PENK: variants seen among roughly 807,000 people sequenced by gnomAD.
PENK encodes the protein proenkephalin.
In PENK, 25 loss-of-function variants were observed where a neutral mutation model predicts 24.1. The ratio of observed to expected loss-of-function variants is 1.04; its 90% CI spans 0.76 to 1.45. The LOEUF (loss-of-function observed/expected upper bound fraction) is 1.45, where lower values mean the gene tolerates loss of function less well. Ranked by LOEUF, PENK falls within the 40% of genes most tolerant of loss-of-function variation. The probability of loss-of-function intolerance (pLI) is 0.00; values close to 1 mark genes in which losing one functional copy is unlikely to be tolerated. For synonymous variants in PENK, 135 were observed against 130.3 expected, an observed-to-expected ratio of 1.04 and a Z score of -0.24; for missense variants, 353 against 337.9, an observed-to-expected ratio of 1.04 and a Z score of -0.35.
At position 56,441,571 on chromosome 8, in the gene PENK, G is replaced by T; in HGVS notation, c.505C>A (p.Arg169Ser). The T allele has an allele frequency of 1.2e-6, 2 of 1,613,602 alleles. No individual in the cohort carries two copies. Among genetic ancestry groups the T allele is most frequent in the Admixed American group, 1.7e-5 (1 of 59,978 alleles). The change falls in exon 4 of 4, where the codon CGT (arginine) becomes AGT (serine). Residue 169 changes from arginine to serine, a missense_variant. Physicochemically the swap from Arg to Ser is moderately radical, Grantham distance 110 (BLOSUM62 -1). Coordinates refer to ENST00000451791, the MANE Select transcript of PENK (RefSeq NM_001135690.3). ...TCACTGCCATCCTGGTGGTGGCTACGCTCTCGGTTGTCCCCTGTTTCCAGA... is the reference window on the plus strand; with the variant it reads ...TCACTGCCATCCTGGTGGTGGCTACTCTCTCGGTTGTCCCCTGTTTCCAGA... ...ELLETGDNRERSHHQDGSDNE... is the reference protein window; with the variant it reads ...ELLETGDNRESSHHQDGSDNE...
chr8:56,444,630 C>T (rs977810368), intron 3 of PENK, among the ~76,000 whole-genome samples: 1 of 152,190 alleles, frequency 6.6e-6, no homozygotes, highest in Admixed American at 6.5e-5. Flanking sequence ...ACATTTTTCT[C>T]ATAGTTTAAA....
chr8:56,442,800 A>T (rs1804583636), intron 3 of PENK, among the ~76,000 whole-genome samples: 1 of 152,100 alleles, frequency 6.6e-6, no homozygotes, highest in Non-Finnish European at 1.5e-5. Flanking sequence ...AATAGGAATC[A>T]TCAGCATACA....
Position 56,441,493 on chromosome 8 carries a change from T to C in PENK, c.583A>G (p.Arg195Gly). 1 of 1,613,204 alleles carries C rather than the reference T, an allele frequency of 6.2e-7. No individual in the cohort carries two copies. Among genetic ancestry groups the C allele is most frequent in the Non-Finnish European group, 8.5e-7 (1 of 1,179,736 alleles). Reference protein sequence around the residue: ...RYGGFMRGLKRSPQLEDEAKE... With the variant: ...RYGGFMRGLKGSPQLEDEAKE... ...GCTTCATCTTCCAGTTGGGGGCTTC[T>C]CTTTAAGCCTCTCATGAAGCCCCCA... is the stretch of plus-strand genomic sequence containing the variant. The change falls in exon 4 of 4, where the codon AGA (arginine) becomes GGA (glycine). Residue 195 changes from arginine (R) to glycine (G), a missense_variant. Arg to Gly is a moderately radical substitution (Grantham distance 125). Transcript: ENST00000451791.
chr8:56,444,312 T>C (rs933191848), intron 3 of PENK, among the ~76,000 whole-genome samples: 1 of 152,184 alleles, frequency 6.6e-6, no homozygotes, highest in African/African-American at 2.4e-5. Context: ...TAGACTAGAA[T>C]CCATATAACC....
At chr8:56,445,996 G>T (rs1339118659) in intron 2 of PENK, 40 bp from the exon 3 acceptor site, 1 of 1,444,714 alleles carries the variant, frequency 6.9e-7, no homozygotes, top group African/African-American at 2.6e-5. Flanking sequence ...GCCTGCCTGG[G>T]CGCAGAACGG....
intron 3 of PENK, chr8:56,443,954 A>G (rs1306852889): frequency 1.4e-6 from 1 of 702,242 alleles, no homozygotes; most frequent in Non-Finnish European, 2.6e-6. Flanking sequence ...GATAACAACA[A>G]GAGCATAAAA....
chr8:56,441,648 T>C lies in PENK; in HGVS notation c.428A>G (p.Asp143Gly). ...GGCCAGCGAGTCGTCCTCCTCTGCA[T>C]CCTTCTTCATGAAGCCCCCATACCG... ...AKRYGGFMKK[D>G]AEEDDSLANS... is the part of the protein sequence containing the mutation. Residue 143 changes from aspartate to glycine, a missense_variant, in exon 4 of 4, where the codon GAT becomes GGT. Transcript: ENST00000451791. 6.2e-7 allele frequency: 1 copy of C among 1,614,088 alleles called. No homozygotes were observed. The highest frequency in any genetic ancestry group is 8.5e-7 in the Non-Finnish European group (1 of 1,180,004).
rs963621577 is a variant in PENK at position 56,441,083 on chromosome 8, T to C, written c.*189A>G. On this transcript the variant is annotated 3_prime_UTR_variant, in exon 4 of 4. Transcript: ENST00000451791. The stretch of plus-strand genomic sequence containing the variant: ...AAACGAGATAGCTGCAATAGACTAA[T>C]ACTGAGCTTAAAGACTCCAAAAAGA... 12 of 582,164 alleles carry C rather than the reference T, an allele frequency of 2.1e-5. No homozygotes were observed. Among genetic ancestry groups the C allele is most frequent in the South Asian group, 1.9e-4 (7 of 36,258 alleles). 36.1% of individuals were successfully genotyped at this position (582,164 alleles called of 1,614,324 possible). A position where few individuals can be genotyped will look rare whatever the true frequency, so the allele number is the denominator to read the frequency against.
rs1433155264 is a variant in PENK at position 56,441,621 on chromosome 8, T to C, written c.455A>G (p.Asn152Ser). ...KDAEEDDSLANSSDLLKELLE... is the reference protein window; with the variant it reads ...KDAEEDDSLASSSDLLKELLE... Reference sequence around the variant, plus strand: ...AAGCTCTTTTAGCAGGTCTGAGGAATTGGCCAGCGAGTCGTCCTCCTCTGC... The same window carrying C: ...AAGCTCTTTTAGCAGGTCTGAGGAACTGGCCAGCGAGTCGTCCTCCTCTGC... Residue 152 changes from asparagine to serine, a missense_variant, in exon 4 of 4, where the codon AAT becomes AGT. Asn to Ser is a conservative substitution (Grantham distance 46, BLOSUM62 1). Coordinates refer to ENST00000451791, the MANE Select transcript of PENK (RefSeq NM_001135690.3). The C allele has an allele frequency of 1.9e-6, 3 of 1,614,022 alleles. No homozygotes were observed. Among genetic ancestry groups the C allele is most frequent in the Non-Finnish European group, 2.5e-6 (3 of 1,180,034 alleles).
chr8:56,444,593 G>A (rs1250528232), intron 3 of PENK, among the ~76,000 whole-genome samples: 2 of 152,172 alleles, frequency 1.3e-5, no homozygotes, highest in Non-Finnish European at 2.9e-5. Context: ...ATGGGTGAAG[G>A]GGATTGTTTC....
chr8:56,441,808 GT>G lies in PENK; in HGVS notation c.267del (p.Lys89AsnfsTer8). The G allele has an allele frequency of 1.2e-6, 2 of 1,614,088 alleles. No homozygotes were observed. The highest frequency in any genetic ancestry group is 8.5e-7 in the Non-Finnish European group (1 of 1,180,018). ...DGTSTLRENS[K>X]PEESHLLAKR... ...TTGGCTAGCAAATGGCTTTCTTCCGGTTTGCTATTTTCTCTGAGGGTGCTGG... is the reference window on the plus strand; with the variant it reads ...TTGGCTAGCAAATGGCTTTCTTCCGGTTGCTATTTTCTCTGAGGGTGCTGG... On this transcript the variant is annotated frameshift_variant, in exon 4 of 4. Coordinates refer to ENST00000451791, the MANE Select transcript of PENK (RefSeq NM_001135690.3). LOFTEE classifies it high-confidence loss of function.
chr8:56,443,408 A>C (rs1804593373), intron 3 of PENK: 1 of 152,254 alleles, frequency 6.6e-6, no homozygotes. Flanking sequence ...TCAAAACCAA[A>C]TAGTAACAAA....
intron 2 of PENK, 85 bp from the exon 3 acceptor site, chr8:56,446,041 A>C: frequency 7.8e-6 from 11 of 1,416,096 alleles, no homozygotes; most frequent in Middle Eastern, 2.6e-4. Flanking sequence ...CGACAGCCTC[A>C]GCAGGGGATC....
chr8:56,442,357 C>G lies in PENK; in HGVS notation c.139-420G>C, dbSNP rs1184141183. Among the ~76,000 whole-genome samples, 4 of 152,274 alleles carry G rather than the reference C, an allele frequency of 2.6e-5. No individual in the cohort carries two copies. In the East Asian group the frequency reaches 5.8e-4, roughly 22 times the overall value. Reference sequence around the variant, plus strand: ...ATTTACCTAATCAGGGATATTTCCTCAAAATTCCTTTTATCTTCTTGTCTT... The same window carrying G: ...ATTTACCTAATCAGGGATATTTCCTGAAAATTCCTTTTATCTTCTTGTCTT... On this transcript the variant is annotated intron_variant, in intron 3 of 3. Transcript: ENST00000451791.
rs777721738 is a variant in PENK, at chr8:56,441,550, T to A, written c.526A>T (p.Ser176Cys). ...TTGCTCACTTCTTCCTCATTATCAC[T>A]GCCATCCTGGTGGTGGCTACGCTCT... ...NRERSHHQDG[S>C]DNEEEVSKRY... Residue 176 changes from serine to cysteine, a missense_variant, in exon 4 of 4, where the codon AGT (serine) becomes TGT (cysteine). By Grantham distance (112) the Ser-to-Cys change is moderately radical. Coordinates refer to ENST00000451791, the MANE Select transcript of PENK (RefSeq NM_001135690.3). 1.2e-6 allele frequency: 2 copies of A among 1,613,780 alleles called. No individual in the cohort carries two copies. The highest frequency in any genetic ancestry group is 1.7e-6 in the Non-Finnish European group (2 of 1,179,958).
At chr8:56,443,971 A>G in intron 3 of PENK, 1 of 702,456 alleles carries the variant, frequency 1.4e-6, no homozygotes, top group Non-Finnish European at 2.6e-6. Flanking sequence ...AAAAAGCAGT[A>G]TGGAAAATTC....
Position 56,441,732 on chromosome 8 carries a change from T to C in PENK, c.344A>G (p.Asp115Gly). 6.2e-7 allele frequency: 1 copy of C among 1,613,880 alleles called. No homozygotes were observed. The highest frequency in any genetic ancestry group is 8.5e-7 in the Non-Finnish European group (1 of 1,179,958). The part of the protein sequence containing the change: ...KRYGGFMKKM[D>G]ELYPMEPEEE... ...TTCTGGCTCCATGGGATAAAGCTCATCCATTTTCTTCATGAAGCCTCCATA... is the reference window on the plus strand; with the variant it reads ...TTCTGGCTCCATGGGATAAAGCTCACCCATTTTCTTCATGAAGCCTCCATA... The change falls in exon 4 of 4, where the codon GAT (aspartate) becomes GGT (glycine). Residue 115 changes from aspartate (D) to glycine (G), a missense_variant. Coordinates refer to ENST00000451791, the MANE Select transcript of PENK (RefSeq NM_001135690.3).
chr8:56,445,429 G>A (rs1241483622), intron 3 of PENK: 1 of 450,592 alleles, frequency 2.2e-6, no homozygotes, highest in East Asian at 3.2e-5. Flanking sequence ...GGGGCCCTTA[G>A]CTGGGATATG....
At chr8:56,445,614 C>T (rs1463584565) in intron 3 of PENK, 4 of 671,564 alleles carry the variant, frequency 6.0e-6, no homozygotes, top group Admixed American at 4.7e-5. Context: ...CGCGGATCCC[C>T]GAAGCTAAGA....
Sources: gnomAD v4.1 joint callset for allele counts (sites outside exome capture counted in the v4.1 genomes callset) on GRCh38, gnomAD v4.1.1 for gene constraint, MANE v1.5 for transcripts, NCBI Gene and HGNC (gene_info 2026-07-23, HGNC 2026-07-21) for gene names.